The following KAT6A variants were observed in gnomAD, a reference collection of about 807,000 sequenced individuals.
The protein encoded by KAT6A is lysine acetyltransferase 6A, also known as histone acetyltransferase KAT6A.
A neutral mutation model predicts 198.4 loss-of-function variants in KAT6A; 9 were observed. That is an observed-to-expected ratio of 0.05 (90% CI 0.03 to 0.08). The LOEUF (loss-of-function observed/expected upper bound fraction) is 0.08, where lower values mean the gene tolerates loss of function less well. KAT6A is among the 10% of genes least tolerant of loss of function. The probability of loss-of-function intolerance (pLI) is 1.00; values close to 1 mark genes in which losing one functional copy is unlikely to be tolerated. For synonymous variants in KAT6A, 890 were observed against 883.0 expected, an observed-to-expected ratio of 1.01 and a Z score of -0.14; for missense variants, 2,077 against 2,509.9, an observed-to-expected ratio of 0.83 and a Z score of 3.69.
intron 1 of KAT6A, among the ~76,000 whole-genome samples, chr8:42,050,215 T>C (rs900538479): frequency 2.0e-5 from 3 of 152,278 alleles, no homozygotes; most frequent in Middle Eastern, 3.4e-3. Context: ...AAATTCAAGA[T>C]TGCTGTCCTG....
At chr8:41,947,707 G>A (rs557139723) in intron 11 of KAT6A, 44 bp downstream of exon 11, 1 of 1,503,626 alleles carries the variant, frequency 6.7e-7, no homozygotes, top group Admixed American at 2.2e-5. Flanking sequence ...GATTCTTTCA[G>A]ATTTCTATAT....
At chr8:41,970,931 A>T (rs1823759849) in intron 8 of KAT6A, among the ~76,000 whole-genome samples, 1 of 152,236 alleles carries the variant, frequency 6.6e-6, no homozygotes. Flanking sequence ...AGGGACATGG[A>T]TGAAGCTGGA....
intron 14 of KAT6A, chr8:41,942,375 A>G (rs2929897): frequency 0.67 from 166,620 of 247,514 alleles, 57,104 homozygotes; most frequent in African/African-American, 0.84. Flanking sequence ...TGAACTCCTA[A>G]TCTCAAGCAA....
At chr8:42,043,998 G>A (rs545502919) in intron 2 of KAT6A, among the ~76,000 whole-genome samples, 12 of 151,804 alleles carry the variant, frequency 7.9e-5, no homozygotes, top group South Asian at 2.1e-4. Context: ...TTAAAATAAC[G>A]CCTGGCACAT....
At chr8:41,964,822 A>G (rs1823382569) in intron 8 of KAT6A, among the ~76,000 whole-genome samples, 1 of 152,178 alleles carries the variant, frequency 6.6e-6, no homozygotes, top group Non-Finnish European at 1.5e-5. Context: ...GTACTGTAAT[A>G]ACAGTTACGT....
At chr8:42,020,356 G>A (rs1280451676) in intron 2 of KAT6A, among the ~76,000 whole-genome samples, 1 of 152,118 alleles carries the variant, frequency 6.6e-6, no homozygotes, top group African/African-American at 2.4e-5. Context: ...CCCATTCTAC[G>A]TCTATTGGGA....
At chr8:42,032,484 A>G (rs987306528) in intron 2 of KAT6A, among the ~76,000 whole-genome samples, 1 of 152,210 alleles carries the variant, frequency 6.6e-6, no homozygotes, top group African/African-American at 2.4e-5. Context: ...CCGATTGGCT[A>G]AAGTTATGAG....
chr8:42,025,459 C>T (rs1253078003), intron 2 of KAT6A, among the ~76,000 whole-genome samples: 1 of 152,102 alleles, frequency 6.6e-6, no homozygotes, highest in African/African-American at 2.4e-5. Flanking sequence ...GGTGATCCGC[C>T]CTCCTCAGCC....
chr8:41,987,562 G>T lies in KAT6A; in HGVS notation c.602C>A (p.Pro201Gln). The change falls in exon 3 of 17, where the codon CCG (proline) becomes CAG (glutamine). Residue 201 changes from proline (P) to glutamine (Q), a missense_variant and splice_region_variant. This residue lies in a region of KAT6A where 185 missense variants were observed against 185.7 expected (regional missense o/e 1.00). Coordinates refer to ENST00000265713, the MANE Select transcript of KAT6A (RefSeq NM_006766.5). ...VSLLPHEKDK[P>Q]VAEPIPICSF... Reference sequence around the variant, plus strand: ...ACAGATGGGGATTGGTTCAGCAACCGGCTGTGAAGAAAAACACAATTCATT... The same window carrying T: ...ACAGATGGGGATTGGTTCAGCAACCTGCTGTGAAGAAAAACACAATTCATT... The T allele has an allele frequency of 6.3e-7, 1 of 1,585,118 alleles. No individual in the cohort carries two copies. The highest frequency in any genetic ancestry group is 8.7e-7 in the Non-Finnish European group (1 of 1,154,782).
At chr8:41,967,279 A>ATTTATTTATTTC (rs1164520294) in intron 8 of KAT6A, among the ~76,000 whole-genome samples, 1 of 148,098 alleles carries the variant, frequency 6.8e-6, no homozygotes. Flanking sequence ...AAAAAAATTT[A>ATTTATTTATTTC]TTTATTTATT....
chr8:42,028,314 A>T (rs1826940351), intron 2 of KAT6A, among the ~76,000 whole-genome samples: 1 of 152,166 alleles, frequency 6.6e-6, no homozygotes, highest in African/African-American at 2.4e-5. Flanking sequence ...GACCTGCCCA[A>T]TTCTGAGCGT....
chr8:42,025,781 T>C (rs553876671), intron 2 of KAT6A, among the ~76,000 whole-genome samples: 1 of 152,328 alleles, frequency 6.6e-6, no homozygotes, highest in Admixed American at 6.5e-5. Flanking sequence ...TTGTCTATTG[T>C]TTGTTTTTGT....
At chr8:42,016,965 A>T (rs1465917491) in intron 2 of KAT6A, among the ~76,000 whole-genome samples, 1 of 152,166 alleles carries the variant, frequency 6.6e-6, no homozygotes, top group Non-Finnish European at 1.5e-5. Flanking sequence ...TATCTCTTCA[A>T]TAGTTTAAGC....
chr8:41,932,552 C>A lies in KAT6A; in HGVS notation c.5668G>T (p.Ala1890Ser), dbSNP rs766320012. 1.5e-5 allele frequency: 24 copies of A among 1,614,218 alleles called. No homozygotes were observed. The highest frequency in any genetic ancestry group is 1.9e-5 in the Non-Finnish European group (22 of 1,180,038). ...TTCATGCCACGCTGAACAGCCAGTGCGCGAGGGCCAGCCTGCATGGCAACT... is the reference window on the plus strand; with the variant it reads ...TTCATGCCACGCTGAACAGCCAGTGAGCGAGGGCCAGCCTGCATGGCAACT... ...SAVAMQAGPR[A>S]LAVQRGMNMG... The change falls in exon 17 of 17, where the codon GCA becomes TCA. Residue 1890 changes from alanine to serine, a missense_variant. Ala to Ser is a moderately conservative substitution (Grantham distance 99). This residue lies in a region of KAT6A where 500 missense variants were observed against 577.2 expected (regional missense o/e 0.87). Coordinates refer to ENST00000265713, the MANE Select transcript of KAT6A (RefSeq NM_006766.5).
In KAT6A at chr8:41,940,992, T is replaced by C. The variant is rs1389006011; in HGVS notation, c.2889A>G (p.Thr963=). The C allele has an allele frequency of 6.2e-7, 1 of 1,614,086 alleles. No individual in the cohort carries two copies. The highest frequency in any genetic ancestry group is 1.3e-5 in the African/African-American group (1 of 74,946). ...KSPEALKCRL[T]EGSERLPRRY... is the part of the protein sequence containing the mutation. ...GACGGGGCAGCCTCTCACTTCCTTC[T>C]GTTAATCTGCACTTCAGAGCCTCAG... Residue 963 remains threonine (T), a synonymous_variant, in exon 15 of 17, where the codon ACA becomes ACG. Transcript: ENST00000265713.
chr8:41,990,966 GC>G (rs1206926528), intron 2 of KAT6A, among the ~76,000 whole-genome samples: 1 of 131,674 alleles, frequency 7.6e-6, no homozygotes, highest in African/African-American at 3.0e-5. Flanking sequence ...TTGCACTCCA[GC>G]CTGGGTGACA....
rs909080814 is a variant in KAT6A, at chr8:41,999,122, G to T, written c.601-11559C>A. ...CTTTTACTATGTATGTAGATTATTGGAAATTCAGATAAGAAATCAATCATC... is the reference window on the plus strand; with the variant it reads ...CTTTTACTATGTATGTAGATTATTGTAAATTCAGATAAGAAATCAATCATC... On this transcript the variant is annotated intron_variant, in intron 2 of 16. Coordinates refer to ENST00000265713, the MANE Select transcript of KAT6A (RefSeq NM_006766.5). Among the ~76,000 whole-genome samples, 5 of 152,098 alleles carry T rather than the reference G, an allele frequency of 3.3e-5. No individual in the cohort carries two copies. The East Asian group carries it at 9.6e-4, about 29-fold the overall frequency.
chr8:41,966,083 A>C (rs1396412354), intron 8 of KAT6A, among the ~76,000 whole-genome samples: 2 of 152,174 alleles, frequency 1.3e-5, no homozygotes, highest in African/African-American at 2.4e-5. Context: ...GCAAGTCACT[A>C]TCAGATTTGT....
At chr8:42,023,732 C>T (rs1385612348) in intron 2 of KAT6A, among the ~76,000 whole-genome samples, 1 of 151,900 alleles carries the variant, frequency 6.6e-6, no homozygotes, top group East Asian at 1.9e-4. Context: ...AGTGATCCAC[C>T]TGCCTTGGCC....
Sources: gnomAD v4.1 joint callset for allele counts (sites outside exome capture counted in the v4.1 genomes callset) on GRCh38, gnomAD v4.1.1 for gene constraint, gnomAD v4.1.1 regional missense constraint, MANE v1.5 for transcripts, NCBI Gene and HGNC (gene_info 2026-07-23, HGNC 2026-07-21) for gene names.